RFX4: variants seen among roughly 807,000 people sequenced by gnomAD.
The protein encoded by RFX4 is transcription factor RFX4.
In RFX4, 10 loss-of-function variants were observed where a neutral mutation model predicts 95.0. The observed-to-expected ratio is 0.11, with a 90% CI of 0.06 to 0.18. RFX4 has a LOEUF of 0.18. RFX4 is among the 10% of genes least tolerant of loss of function. The pLI, the probability that RFX4 is intolerant of heterozygous loss-of-function variation, is 1.00. For missense variants in RFX4, 640 were observed against 922.0 expected, an observed-to-expected ratio of 0.69 and a Z score of 3.96; for synonymous variants, 321 against 340.7, an observed-to-expected ratio of 0.94 and a Z score of 0.64.
intron 4 of RFX4, among the ~76,000 whole-genome samples, chr12:106,657,702 T>TA (rs1565967550): frequency 6.6e-6 from 1 of 152,136 alleles, no homozygotes; most frequent in East Asian, 1.9e-4. Context: ...AAACTAGGGA[T>TA]AAAATGAGAC....
Position 106,684,757 on chromosome 12 carries a change from G to T in RFX4, c.378-2127G>T, listed in dbSNP as rs2041604708. 6 of 1,536,774 alleles carry T rather than the reference G, an allele frequency of 3.9e-6. No individual in the cohort carries two copies. In the South Asian group the frequency reaches 6.0e-5, roughly 15 times the overall value. On this transcript the variant is annotated intron_variant, in intron 5 of 17. Transcript: ENST00000392842. ...TGAGAAGTAGTAGAAGACACGGAAG[G>T]CACAGAAGGCAGACTTCGCTCAGCA...
chr12:106,731,989 TGAG>T (rs1387246003), intron 13 of RFX4, 138 bp from the exon 14 acceptor site: 42 of 1,203,544 alleles, frequency 3.5e-5, no homozygotes, highest in Admixed American at 2.9e-4. Flanking sequence ...CCTATGACCA[TGAG>T]GAGATCATAA....
intron 4 of RFX4, among the ~76,000 whole-genome samples, chr12:106,661,474 C>T (rs1471445171): frequency 6.6e-6 from 1 of 152,192 alleles, no homozygotes; most frequent in African/African-American, 2.4e-5. Context: ...ACTTGCCCAG[C>T]CTCCCCCATT....
rs139449820 is a variant in RFX4 at position 106,760,887 on chromosome 12, C to A, written c.1936-310C>A. 1.7e-3 allele frequency among the ~76,000 whole-genome samples: 257 copies of A among 152,204 alleles called. 2 individuals carry two copies. Among genetic ancestry groups the A allele is most frequent in the Middle Eastern group, 0.014 (4 of 294 alleles). ...GTGTGTGTGACAAACACACACTTTCCTGTATTCCTGGTGTGGCTGTTTCTC... is the reference window on the plus strand; with the variant it reads ...GTGTGTGTGACAAACACACACTTTCATGTATTCCTGGTGTGGCTGTTTCTC... On this transcript the variant is annotated intron_variant, in intron 17 of 17. Transcript: ENST00000392842.
chr12:106,614,904 A>G (rs1238178039), intron 2 of RFX4, among the ~76,000 whole-genome samples: 1 of 152,218 alleles, frequency 6.6e-6, no homozygotes, highest in Non-Finnish European at 1.5e-5. Flanking sequence ...AATATTTGTC[A>G]GGTAAAAGTA....
intron 7 of RFX4, among the ~76,000 whole-genome samples, chr12:106,696,032 A>AG (rs1436892777): frequency 6.6e-6 from 1 of 152,246 alleles, no homozygotes; most frequent in African/African-American, 2.4e-5. Context: ...TTTGGGGCAG[A>AG]GGAGACCCCA....
chr12:106,650,250 T>A (rs2040833036), intron 3 of RFX4, among the ~76,000 whole-genome samples: 1 of 152,216 alleles, frequency 6.6e-6, no homozygotes, highest in South Asian at 2.1e-4. Context: ...GGATTTTTTT[T>A]TAGCCAAAAT....
Position 106,583,204 on chromosome 12 carries a change from G to GTC in RFX4, c.-106_-105dup, listed in dbSNP as rs1277975756. The GTC allele has an allele frequency of 6.2e-5, 55 of 886,316 alleles. 1 individual carries two copies. In the South Asian group the frequency reaches 9.5e-4, roughly 15 times the overall value. The allele number at this position is 886,316 out of a possible 1,614,324, so 54.9% of individuals were successfully genotyped here. ...ATCCTTGTGCCCCCTCACTTTCTGC[G>GTC]TCTCTCTCTCTCCCCTTCTCCCTCC... On this transcript the variant is annotated 5_prime_UTR_variant, in exon 1 of 18. Transcript: ENST00000392842.
chr12:106,704,879 A>G (rs2042054426), intron 8 of RFX4, among the ~76,000 whole-genome samples: 3 of 152,068 alleles, frequency 2.0e-5, no homozygotes, highest in Non-Finnish European at 4.4e-5. Context: ...GGAGAAGTCA[A>G]AGAGGCAAAG....
chr12:106,661,868 C>T (rs191130918), intron 4 of RFX4, among the ~76,000 whole-genome samples: 99 of 152,250 alleles, frequency 6.5e-4, no homozygotes, highest in African/African-American at 2.3e-3. Flanking sequence ...ATTTAGGTTT[C>T]CTCCATGTCT....
chr12:106,630,387 G>T (rs2040395605), intron 2 of RFX4, among the ~76,000 whole-genome samples: 1 of 152,238 alleles, frequency 6.6e-6, no homozygotes, highest in Non-Finnish European at 1.5e-5. Flanking sequence ...GAGGCGAGAG[G>T]AAGCAGGTGT....
chr12:106,623,892 T>G (rs11113062), intron 2 of RFX4, among the ~76,000 whole-genome samples: 47,679 of 152,076 alleles, frequency 0.31, 8,021 homozygotes, highest in African/African-American at 0.43. Flanking sequence ...TGGGAAGGAG[T>G]AGGCTCCGGG....
chr12:106,614,841 T>TCTCAACATAA (rs2040042270), intron 2 of RFX4, among the ~76,000 whole-genome samples: 1 of 152,176 alleles, frequency 6.6e-6, no homozygotes, highest in African/African-American at 2.4e-5. Flanking sequence ...TGTTGTTGGT[T>TCTCAACATAA]TTCTCCTTAA....
chr12:106,741,949 G>T (rs574791876), intron 15 of RFX4, among the ~76,000 whole-genome samples: 20 of 152,296 alleles, frequency 1.3e-4, no homozygotes, highest in African/African-American at 4.6e-4. Context: ...CTTCTGATCT[G>T]ATAGGAGGCA....
At chr12:106,759,994 C>T (rs1484195907) in intron 17 of RFX4, among the ~76,000 whole-genome samples, 1 of 152,184 alleles carries the variant, frequency 6.6e-6, no homozygotes, top group East Asian at 1.9e-4. Context: ...GCCACCTAGA[C>T]TCCAGGGAGC....
At chr12:106,761,015 T>C (rs1456614180) in intron 17 of RFX4, among the ~76,000 whole-genome samples, 182 bp from the exon 18 acceptor site, 2 of 152,114 alleles carry the variant, frequency 1.3e-5, no homozygotes, top group African/African-American at 4.8e-5. Context: ...ATCTTTTGCA[T>C]TTCTCCTGTT....
intron 3 of RFX4, among the ~76,000 whole-genome samples, chr12:106,649,446 C>T (rs185376385): frequency 3.9e-5 from 6 of 152,252 alleles, no homozygotes; most frequent in East Asian, 1.9e-4. Flanking sequence ...TCAGAAGCTC[C>T]GGAAAGAGGA....
intron 2 of RFX4, among the ~76,000 whole-genome samples, chr12:106,618,413 A>G (rs1474929219): frequency 6.6e-6 from 1 of 151,926 alleles, no homozygotes; most frequent in African/African-American, 2.4e-5. Context: ...GTTAATTTTT[A>G]CTTTATATAT....
intron 2 of RFX4, among the ~76,000 whole-genome samples, chr12:106,615,900 C>T (rs1316013895): frequency 6.6e-6 from 1 of 152,166 alleles, no homozygotes; most frequent in African/African-American, 2.4e-5. Context: ...CATCATGTCA[C>T]CTGAGAATAA....
Sources: gnomAD v4.1 joint callset for allele counts (sites outside exome capture counted in the v4.1 genomes callset) on GRCh38, gnomAD v4.1.1 for gene constraint, MANE v1.5 for transcripts, NCBI Gene and HGNC (gene_info 2026-07-23, HGNC 2026-07-21) for gene names.